The following VIPR1 variants were observed in gnomAD, a reference collection of about 807,000 sequenced individuals.
VIPR1 encodes vasoactive intestinal peptide receptor 1.
Under a neutral mutation model 58.8 loss-of-function variants are expected in VIPR1, and 59 were observed. The ratio of observed to expected loss-of-function variants is 1.00; its 90% CI spans 0.81 to 1.25. The LOEUF (loss-of-function observed/expected upper bound fraction) is 1.25, where lower values mean the gene tolerates loss of function less well. VIPR1 is among the 50% of genes most tolerant of loss of function. VIPR1 has a pLI of 0.00. For missense variants in VIPR1, 626 were observed against 602.7 expected, an observed-to-expected ratio of 1.04 and a Z score of -0.40; for synonymous variants, 251 against 242.1, an observed-to-expected ratio of 1.04 and a Z score of -0.34.
intron 4 of VIPR1, among the ~76,000 whole-genome samples, 170 bp from the exon 5 acceptor site, chr3:42,527,223 C>T (rs1482996412): frequency 2.0e-5 from 3 of 152,060 alleles, no homozygotes; most frequent in Non-Finnish European, 2.9e-5. Flanking sequence ...GAAACCAGGG[C>T]GTTAGGGGTC....
upstream of VIPR1, among the ~76,000 whole-genome samples, chr3:42,498,715 T>C: frequency 6.6e-6 from 1 of 151,994 alleles, no homozygotes; most frequent in Admixed American, 6.6e-5. Flanking sequence ...CAACAGAAGA[T>C]CCCCCACAAT....
At chr3:42,504,033 GGAGCCTCACCTCCACCCATGACAGCCAT>G (rs1699997785) in intron 1 of VIPR1, among the ~76,000 whole-genome samples, 1 of 152,110 alleles carries the variant, frequency 6.6e-6, no homozygotes, top group Non-Finnish European at 1.5e-5. Flanking sequence ...ACAATTGGCA[GGAGCCTCACCTCCACCCATGACAGCCAT>G]GAGACCCACC....
At chr3:42,513,879 G>T (rs1002834440) in intron 2 of VIPR1, 25 bp downstream of exon 2, 2 of 1,549,250 alleles carry the variant, frequency 1.3e-6, no homozygotes, top group Non-Finnish European at 1.7e-6. Context: ...GGCAGAGAGG[G>T]GCTGCATGCC....
chr3:42,521,578 C>G (rs1451953071), intron 3 of VIPR1: 1 of 152,060 alleles, frequency 6.6e-6, no homozygotes, highest in African/African-American at 2.4e-5. Flanking sequence ...GGGAAGGGAC[C>G]TGGTTATACA....
chr3:42,491,795 G>C lies in VIPR1; in HGVS notation c.-245+2117G>C, dbSNP rs997031224. 3.9e-5 allele frequency among the ~76,000 whole-genome samples: 6 copies of C among 152,136 alleles called. No individual in the cohort carries two copies. The South Asian group carries it at 6.2e-4, about 16-fold the overall frequency. On this transcript the variant is annotated intron_variant, in intron 1 of 13. Coordinates refer to the VIPR1 transcript ENST00000433647. ...TCGCCATGTTGGCCAGGCTGGTCTC[G>C]AACTCCTGACCTCAAGTGATCCACT...
chr3:42,519,557 CA>C (rs1283430934), intron 3 of VIPR1: 2 of 443,478 alleles, frequency 4.5e-6, no homozygotes. Flanking sequence ...AATATTTGCT[CA>C]ACAATTGATA....
chr3:42,531,576 C>G (rs2125676856), intron 8 of VIPR1, 45 bp downstream of exon 8: 1 of 1,585,852 alleles, frequency 6.3e-7, no homozygotes, highest in East Asian at 2.3e-5. Flanking sequence ...ATCACTTGGG[C>G]AGGCCCCCTG....
rs377751798 is a variant in VIPR1 at position 42,522,256 on chromosome 3, C to T, written c.292+2926C>T. On this transcript the variant is annotated intron_variant, in intron 3 of 12. Coordinates refer to ENST00000325123, the MANE Select transcript of VIPR1 (RefSeq NM_004624.4). ...CCTCCCCAGTAGCTGGGACTGCAGG[C>T]GCCCGCCACCACACCTAATTTTTTG... Among the ~76,000 whole-genome samples the T allele has an allele frequency of 8.1e-4, 122 of 151,402 alleles. 1 individual carries two copies. The South Asian group carries it at 0.022, about 28-fold the overall frequency.
chr3:42,501,808 G>C (rs1699878181), upstream of VIPR1: 1 of 152,388 alleles, frequency 6.6e-6, no homozygotes, highest in African/African-American at 2.4e-5. The surrounding 1 kb of genome is among the most constrained non-coding windows in gnomAD (Gnocchi z 4.8). Context: ...TGCGGAGTCG[G>C]CCTGCGGGCT....
At chr3:42,530,665 A>G in intron 6 of VIPR1, 114 bp from the exon 7 acceptor site, 1 of 1,284,646 alleles carries the variant, frequency 7.8e-7, no homozygotes, top group African/African-American at 1.5e-5. Context: ...GCAAAACAAC[A>G]AAGAGATTAA....
chr3:42,497,935 T>C (rs2125625592), upstream of VIPR1, among the ~76,000 whole-genome samples: 1 of 152,364 alleles, frequency 6.6e-6, no homozygotes, highest in East Asian at 1.9e-4. Flanking sequence ...ACCCCCTTGC[T>C]AAGCTGTCTG....
rs563444261 is a variant in VIPR1 at position 42,513,959 on chromosome 3, T to A, written c.184+105T>A. 2.9e-5 allele frequency: 37 copies of A among 1,296,676 alleles called. No individual in the cohort carries two copies. The African/African-American group carries it at 3.7e-4, about 13-fold the overall frequency. The allele number at this position is 1,296,676 out of a possible 1,614,324, so 80.3% of individuals were successfully genotyped here. Reference sequence around the variant, plus strand: ...TCACGTTCGTTCCACATTTATTGGATGATGGTGAGGAGCGGCTGGGGAGCC... The same window carrying A: ...TCACGTTCGTTCCACATTTATTGGAAGATGGTGAGGAGCGGCTGGGGAGCC... On this transcript the variant is annotated intron_variant, in intron 2 of 12. Coordinates refer to ENST00000325123, the MANE Select transcript of VIPR1 (RefSeq NM_004624.4).
chr3:42,528,504 T>C, intron 6 of VIPR1: 1 of 224,326 alleles, frequency 4.5e-6, no homozygotes, highest in African/African-American at 2.2e-5. Context: ...CAAGATTCCT[T>C]CCAACTCTGC....
At chr3:42,523,096 G>A (rs1434291200) in intron 3 of VIPR1, among the ~76,000 whole-genome samples, 1 of 116,712 alleles carries the variant, frequency 8.6e-6, no homozygotes, top group African/African-American at 4.5e-5. Context: ...CCCGCCCCCA[G>A]TGGAGTGTCC....
intron 6 of VIPR1, chr3:42,528,357 G>C: frequency 1.7e-6 from 1 of 571,984 alleles, no homozygotes; most frequent in Non-Finnish European, 3.1e-6. Flanking sequence ...CAGACCTGCC[G>C]CCGCCAGTGA....
chr3:42,525,838 C>T (rs1439880109), intron 3 of VIPR1, 49 bp from the exon 4 acceptor site: 7 of 1,524,342 alleles, frequency 4.6e-6, no homozygotes, highest in African/African-American at 1.4e-5. Context: ...CAGCCAGGTC[C>T]CCATGCTCCC....
In VIPR1 at chr3:42,525,952, A is replaced by C; in HGVS notation, c.358A>C (p.Ile120Leu). The C allele has an allele frequency of 6.2e-7, 1 of 1,613,606 alleles. No individual in the cohort carries two copies. The highest frequency in any genetic ancestry group is 8.5e-7 in the Non-Finnish European group (1 of 1,179,828). ...GCACCTGGAGCCTGGCCCGTACCCC[A>C]TTGCCTGTGGTTTGGATGACAAGGC... ...WTHLEPGPYP[I>L]ACGLDDKAAS... Residue 120 changes from isoleucine (I) to leucine (L), a missense_variant, in exon 4 of 13, where the codon ATT becomes CTT. Coordinates refer to ENST00000325123, the MANE Select transcript of VIPR1 (RefSeq NM_004624.4).
At chr3:42,491,135 G>A (rs1699657447) in intron 1 of VIPR1, among the ~76,000 whole-genome samples, 1 of 152,338 alleles carries the variant, frequency 6.6e-6, no homozygotes, top group Non-Finnish European at 1.5e-5. Flanking sequence ...TCAAAAGAGA[G>A]CCTGCAAGGA....
chr3:42,532,150 AC>A, intron 9 of VIPR1, 91 bp from the exon 10 acceptor site: 1 of 1,296,724 alleles, frequency 7.7e-7, no homozygotes, highest in Non-Finnish European at 1.1e-6. Flanking sequence ...GGGCAGCAGG[AC>A]CCTGGGAAAG....
Sources: gnomAD v4.1 joint callset for allele counts (sites outside exome capture counted in the v4.1 genomes callset) on GRCh38, gnomAD v4.1.1 for gene constraint, Gnocchi (gnomAD v3.1) non-coding constraint, MANE v1.5 for transcripts, NCBI Gene and HGNC (gene_info 2026-07-23, HGNC 2026-07-21) for gene names.